P2RY12: variants seen among roughly 807,000 people sequenced by gnomAD.
The protein encoded by P2RY12 is purinergic receptor P2Y12.
Under a neutral mutation model 4.5 loss-of-function variants are expected in P2RY12, and 3 were observed. That is an observed-to-expected ratio of 0.67 (90% CI 0.31 to 1.74). P2RY12 has a LOEUF of 1.74. Ranked by LOEUF, P2RY12 falls within the 40% of genes most tolerant of loss-of-function variation. P2RY12 has a pLI of 0.09. For synonymous variants in P2RY12, 148 were observed against 154.1 expected, an observed-to-expected ratio of 0.96 and a Z score of 0.29; for missense variants, 356 against 407.8, an observed-to-expected ratio of 0.87 and a Z score of 1.09.
chr3:151,383,557 T>A (rs1481811040), intron 1 of P2RY12, among the ~76,000 whole-genome samples: 1 of 152,186 alleles, frequency 6.6e-6, no homozygotes, highest in Non-Finnish European at 1.5e-5. Flanking sequence ...GATACTCACG[T>A]CCCTTCTTCA....
At chr3:151,348,036 T>A (rs1208257864) in intron 1 of P2RY12, among the ~76,000 whole-genome samples, 1 of 152,144 alleles carries the variant, frequency 6.6e-6, no homozygotes, top group Non-Finnish European at 1.5e-5. Context: ...GACTTCTAGG[T>A]CTGTAAATAC....
chr3:151,362,690 G>A (rs1754761939), intron 1 of P2RY12, among the ~76,000 whole-genome samples: 1 of 152,012 alleles, frequency 6.6e-6, no homozygotes, highest in Non-Finnish European at 1.5e-5. Context: ...GTGTCTTGAA[G>A]AGTATGTGGC....
At chr3:151,377,077 A>T (rs775474423) in intron 1 of P2RY12, 35 of 1,614,008 alleles carry the variant, frequency 2.2e-5, no homozygotes, top group Admixed American at 8.3e-5. Context: ...CTGCAGACCT[A>T]AATAATTCTT....
chr3:151,379,823 A>G (rs1269383077), intron 1 of P2RY12, among the ~76,000 whole-genome samples: 4 of 152,212 alleles, frequency 2.6e-5, no homozygotes, highest in Non-Finnish European at 5.9e-5. Flanking sequence ...TTGATGTAGA[A>G]GATGAATTCA....
At position 151,338,289 on chromosome 3, in the gene P2RY12, C is replaced by G. The variant is rs761286961; in HGVS notation, c.557G>C (p.Trp186Ser). ...ACAGATGTAATTTACTATTTCATGC[C>G]AGACTAGACCGAACTCTGATTTAAG... ...SFLKSEFGLV[W>S]HEIVNYICQV... Residue 186 changes from tryptophan (W) to serine (S), a missense_variant, in exon 3 of 3, where the codon TGG becomes TCG. Coordinates refer to ENST00000302632, the MANE Select transcript of P2RY12 (RefSeq NM_022788.5). The G allele has an allele frequency of 4.3e-6, 7 of 1,613,880 alleles. No individual in the cohort carries two copies. The Admixed American group carries it at 1.2e-4, about 27-fold the overall frequency.
At chr3:151,342,943 T>C (rs1752056751) in intron 1 of P2RY12, among the ~76,000 whole-genome samples, 2 of 152,180 alleles carry the variant, frequency 1.3e-5, no homozygotes, top group African/African-American at 4.8e-5. Context: ...ATTCTCTGGA[T>C]GAGGGGAACT....
intron 1 of P2RY12, chr3:151,377,076 T>C: frequency 6.2e-7 from 1 of 1,614,122 alleles, no homozygotes; most frequent in East Asian, 2.2e-5. Context: ...TCTGCAGACC[T>C]AAATAATTCT....
At chr3:151,344,407 T>A (rs542915223) in intron 1 of P2RY12, among the ~76,000 whole-genome samples, 1 of 152,244 alleles carries the variant, frequency 6.6e-6, no homozygotes, top group African/African-American at 2.4e-5. Context: ...GATGGAACAT[T>A]TATATGAACT....
intron 1 of P2RY12, chr3:151,364,981 G>T (rs1393290666): frequency 1.2e-6 from 2 of 1,610,860 alleles, no homozygotes. Flanking sequence ...AACCTCAGTA[G>T]TGCCTGTTCA....
chr3:151,345,349 A>G (rs1263126902), intron 1 of P2RY12, among the ~76,000 whole-genome samples: 2 of 152,144 alleles, frequency 1.3e-5, no homozygotes, highest in African/African-American at 4.8e-5. Context: ...CAGATTATTA[A>G]TATTACTTAC....
chr3:151,371,987 G>T, intron 1 of P2RY12, among the ~76,000 whole-genome samples: 1 of 152,136 alleles, frequency 6.6e-6, no homozygotes, highest in Non-Finnish European at 1.5e-5. Context: ...AGAGAGGAAG[G>T]TAAAAAAACA....
At chr3:151,380,253 C>A (rs770692792) in intron 1 of P2RY12, 3 of 1,382,400 alleles carry the variant, frequency 2.2e-6, no homozygotes, top group Middle Eastern at 1.8e-4. Flanking sequence ...TTAAGACAGG[C>A]AAATATCTTT....
chr3:151,369,413 T>C (rs1227596880), intron 1 of P2RY12: 1 of 1,492,146 alleles, frequency 6.7e-7, no homozygotes, highest in Non-Finnish European at 9.3e-7. Flanking sequence ...AATGAGACTA[T>C]TAAAGATTTG....
At chr3:151,354,931 C>G (rs1032339879) in intron 1 of P2RY12, among the ~76,000 whole-genome samples, 2 of 152,064 alleles carry the variant, frequency 1.3e-5, no homozygotes, top group Non-Finnish European at 2.9e-5. Flanking sequence ...CCTAGAGAGG[C>G]CTGAGGGAGT....
chr3:151,336,882 C>T lies in P2RY12; in HGVS notation c.*935G>A, dbSNP rs966250660. On this transcript the variant is annotated 3_prime_UTR_variant, in exon 3 of 3. Coordinates refer to ENST00000302632, the MANE Select transcript of P2RY12 (RefSeq NM_022788.5). The stretch of plus-strand genomic sequence containing the variant: ...TAATGTAAATTTTGTATTTTATACA[C>T]ACCAATACAAACAAGTAATTACAAA... 8 of 175,212 alleles carry T rather than the reference C, an allele frequency of 4.6e-5. No homozygotes were observed. The highest frequency in any genetic ancestry group is 7.3e-5 in the Non-Finnish European group (6 of 82,210). 10.9% of individuals were successfully genotyped at this position (175,212 alleles called of 1,614,324 possible). A position where few individuals can be genotyped will look rare whatever the true frequency, so the allele number is the denominator to read the frequency against.
intron 1 of P2RY12, among the ~76,000 whole-genome samples, chr3:151,362,677 C>T (rs976806094): frequency 1.3e-5 from 2 of 151,916 alleles, no homozygotes; most frequent in African/African-American, 4.8e-5. Context: ...CTGCTACATC[C>T]CAGTGTCTTG....
chr3:151,344,667 A>T (rs563671364), intron 1 of P2RY12, among the ~76,000 whole-genome samples: 159 of 152,356 alleles, frequency 1.0e-3, no homozygotes, highest in African/African-American at 3.4e-3. Flanking sequence ...ACTGGGAAGT[A>T]TGAAGTGCCA....
intron 1 of P2RY12, chr3:151,367,654 C>T (rs751026573): frequency 8.1e-6 from 13 of 1,603,308 alleles, no homozygotes; most frequent in Non-Finnish European, 1.1e-5. Context: ...AGGTGAGTGA[C>T]CTTTCATTCC....
intron 1 of P2RY12, chr3:151,355,040 A>G: frequency 3.0e-6 from 3 of 989,470 alleles, no homozygotes; most frequent in Non-Finnish European, 4.8e-6. Flanking sequence ...TGTATGCTAT[A>G]CTTTAAAAAA....
Sources: gnomAD v4.1 joint callset for allele counts (sites outside exome capture counted in the v4.1 genomes callset) on GRCh38, gnomAD v4.1.1 for gene constraint, MANE v1.5 for transcripts, NCBI Gene and HGNC (gene_info 2026-07-23, HGNC 2026-07-21) for gene names.